Variants in JAK2 observed in about 807,000 individuals in gnomAD.
The protein encoded by JAK2 is tyrosine-protein kinase JAK2.
A neutral mutation model predicts 139.3 loss-of-function variants in JAK2; 86 were observed. That is an observed-to-expected ratio of 0.62 (90% CI 0.52 to 0.74). JAK2 has a LOEUF of 0.74. Ranked by LOEUF, JAK2 falls within the 30% of genes least tolerant of loss-of-function variation. JAK2 has a pLI of 0.00. For synonymous variants in JAK2, 490 were observed against 437.7 expected, an observed-to-expected ratio of 1.12 and a Z score of -1.49; for missense variants, 1,421 against 1,360.3, an observed-to-expected ratio of 1.04 and a Z score of -0.70.
At chr9:5,020,605 G>A (rs1478660312) in intron 2 of JAK2, among the ~76,000 whole-genome samples, 1 of 152,186 alleles carries the variant, frequency 6.6e-6, no homozygotes, top group Non-Finnish European at 1.5e-5. Context: ...GGCTGTAGAT[G>A]TGATGAAGCT....
At chr9:5,008,799 A>G (rs1325443141) in intron 2 of JAK2, among the ~76,000 whole-genome samples, 1 of 152,014 alleles carries the variant, frequency 6.6e-6, no homozygotes, top group Non-Finnish European at 1.5e-5. Flanking sequence ...TTCTTCTATT[A>G]TTTTTCTTCC....
At position 5,018,307 on chromosome 9, in the gene JAK2, G is replaced by A. The variant is rs117821760; in HGVS notation, c.-25-3656G>A. On this transcript the variant is annotated intron_variant, in intron 2 of 24. Coordinates refer to ENST00000381652, the MANE Select transcript of JAK2 (RefSeq NM_004972.4). ...CTTTCGTCATCTGTTTTTCATAATG[G>A]TAGTAATTGTCCTTTTTGTTTGTTT... Among the ~76,000 whole-genome samples the A allele has an allele frequency of 2.6e-3, 389 of 152,068 alleles. 1 individual carries two copies. Among genetic ancestry groups the A allele is most frequent in the Non-Finnish European group, 4.5e-3 (304 of 67,962 alleles).
chr9:5,123,537 T>C (rs2130855062), intron 23 of JAK2, among the ~76,000 whole-genome samples: 1 of 152,132 alleles, frequency 6.6e-6, no homozygotes, highest in South Asian at 2.1e-4. Flanking sequence ...ACATTTTCTT[T>C]ATCCAGTCAT....
chr9:5,108,237 A>G lies in JAK2; in HGVS notation c.3060-14767A>G, dbSNP rs944345285. ...TTGATTTCCCTGCAGATTTTTTAAA[A>G]TTATAGCATTCACAGCCACAGAACT... On this transcript the variant is annotated intron_variant, in intron 22 of 24. Coordinates refer to ENST00000381652, the MANE Select transcript of JAK2 (RefSeq NM_004972.4). 2.0e-5 allele frequency: 3 copies of G among 152,140 alleles called. No homozygotes were observed. The East Asian group carries it at 5.8e-4, about 29-fold the overall frequency. The allele number at this position is 152,140 out of a possible 1,614,324, so 9.4% of individuals were successfully genotyped here.
Position 5,069,996 on chromosome 9 carries a change from C to G in JAK2, c.1585C>G (p.Pro529Ala). ...ACCAACCTCACCAACATTACAGAGG[C>G]CTACTCATATGAACCAAATGGTGTT... ...DVPTSPTLQRPTHMNQMVFHK... is the reference protein window; with the variant it reads ...DVPTSPTLQRATHMNQMVFHK... Residue 529 changes from proline to alanine, a missense_variant, in exon 12 of 25, where the codon CCT becomes GCT. Coordinates refer to ENST00000381652, the MANE Select transcript of JAK2 (RefSeq NM_004972.4). 1.2e-6 allele frequency: 2 copies of G among 1,607,870 alleles called. No individual in the cohort carries two copies. Among genetic ancestry groups the G allele is most frequent in the South Asian group, 2.2e-5 (2 of 90,490 alleles).
At chr9:5,112,028 T>A (rs1328517930) in intron 22 of JAK2, 1 of 407,252 alleles carries the variant, frequency 2.5e-6, no homozygotes, top group East Asian at 7.2e-5. Context: ...CAGGAGTCCC[T>A]GGTGCCTTAT....
chr9:5,025,767 G>C (rs1351931835), intron 3 of JAK2, among the ~76,000 whole-genome samples: 3 of 152,052 alleles, frequency 2.0e-5, no homozygotes, highest in Admixed American at 6.5e-5. Context: ...CCTGACTTCA[G>C]GTGATCCACC....
chr9:5,070,106 G>T (rs1818855986), intron 12 of JAK2, 54 bp downstream of exon 12: 3 of 1,296,518 alleles, frequency 2.3e-6, no homozygotes, highest in Admixed American at 2.1e-5. Context: ...AACAACATCT[G>T]TTTTCTTGAT....
At chr9:5,007,704 T>A (rs1326848291) in intron 2 of JAK2, among the ~76,000 whole-genome samples, 2 of 151,020 alleles carry the variant, frequency 1.3e-5, no homozygotes, top group Non-Finnish European at 2.9e-5. Flanking sequence ...ATAATGAGAA[T>A]TATTATTATT....
chr9:5,012,659 A>G (rs1308965136), intron 2 of JAK2, among the ~76,000 whole-genome samples: 1 of 152,186 alleles, frequency 6.6e-6, no homozygotes, highest in Non-Finnish European at 1.5e-5. Context: ...ATATTTAGTA[A>G]GATTTGTATC....
At chr9:5,085,390 C>A in intron 19 of JAK2, 1 of 863,996 alleles carries the variant, frequency 1.2e-6, no homozygotes, top group Non-Finnish European at 2.0e-6. Flanking sequence ...TGGGTCGGGG[C>A]ATCCTAGAAC....
chr9:5,089,500 T>C (rs1252697140), intron 19 of JAK2, among the ~76,000 whole-genome samples, 174 bp from the exon 20 acceptor site: 1 of 122,008 alleles, frequency 8.2e-6, no homozygotes, highest in Non-Finnish European at 1.6e-5. Context: ...ATCGTGCCAC[T>C]GCACTCCAAC....
chr9:5,024,706 T>A (rs1822666459), intron 3 of JAK2, among the ~76,000 whole-genome samples: 1 of 152,180 alleles, frequency 6.6e-6, no homozygotes, highest in South Asian at 2.1e-4. Flanking sequence ...AGCAACAGCT[T>A]GTTCATTTGC....
intron 8 of JAK2, among the ~76,000 whole-genome samples, chr9:5,062,170 C>T (rs1430954374): frequency 6.6e-6 from 1 of 151,848 alleles, no homozygotes; most frequent in African/African-American, 2.4e-5. Flanking sequence ...ATATAGTATT[C>T]ACAGGATGCA....
At chr9:5,106,510 G>A (rs751211286) in intron 22 of JAK2, among the ~76,000 whole-genome samples, 1 of 152,192 alleles carries the variant, frequency 6.6e-6, no homozygotes, top group Non-Finnish European at 1.5e-5. Flanking sequence ...CAAGGATCTA[G>A]AACTAGAAAT....
chr9:5,043,007 C>T (rs12551254), intron 4 of JAK2, among the ~76,000 whole-genome samples: 41,283 of 152,074 alleles, frequency 0.27, 6,047 homozygotes, highest in African/African-American at 0.38. Context: ...CGGCTGGCGT[C>T]GCGCGGCTCG....
In JAK2 at chr9:5,044,469, T is replaced by A. The variant is rs1433820440; in HGVS notation, c.417T>A (p.Gly139=). 3.7e-6 allele frequency: 6 copies of A among 1,612,812 alleles called. No homozygotes were observed. Among genetic ancestry groups the A allele is most frequent in the Non-Finnish European group, 5.1e-6 (6 of 1,179,256 alleles). ...NRAYRHGISR[G]AEAPLLDDFV... Reference sequence around the variant, plus strand: ...CCTATCGGCATGGAATATCTCGAGGTGCTGAAGCTCCTCTTCTTGATGACT... The same window carrying A: ...CCTATCGGCATGGAATATCTCGAGGAGCTGAAGCTCCTCTTCTTGATGACT... The change falls in exon 5 of 25, where the codon GGT becomes GGA. Residue 139 remains glycine (G), a synonymous_variant. Transcript: ENST00000381652.
chr9:4,996,928 C>CTTTTTTT (rs1166992356), intron 2 of JAK2, among the ~76,000 whole-genome samples: 5 of 94,706 alleles, frequency 5.3e-5, no homozygotes, highest in African/African-American at 8.9e-5. Context: ...TTAGTTTGTT[C>CTTTTTTT]TTTTTTTTTT....
intron 2 of JAK2, among the ~76,000 whole-genome samples, chr9:4,988,236 G>T (rs1248994237): frequency 6.6e-6 from 1 of 152,184 alleles, no homozygotes; most frequent in East Asian, 1.9e-4. Flanking sequence ...GAGCACCTCA[G>T]GCTTGAACTT....
Sources: allele counts gnomAD v4.1 joint callset (sites outside exome capture counted in the v4.1 genomes callset), GRCh38; gene constraint gnomAD v4.1.1; transcripts MANE v1.5; gene names NCBI Gene and HGNC (gene_info 2026-07-23, HGNC 2026-07-21).